RAB18: variants seen among roughly 807,000 people sequenced by gnomAD.
The protein encoded by RAB18 is ras-related protein Rab-18.
In RAB18, 10 loss-of-function variants were observed where a neutral mutation model predicts 28.5. The observed-to-expected ratio is 0.35, with a 90% confidence interval of 0.22 to 0.60. The LOEUF is 0.60. RAB18 is among the 20% of genes least tolerant of loss of function. The pLI, the probability that RAB18 is intolerant of heterozygous loss-of-function variation, is 0.78. For missense variants in RAB18, 188 were observed against 244.2 expected (o/e 0.77, Z 1.53); for synonymous variants, 93 against 86.9 (o/e 1.07, Z -0.39).
At chr10:27,525,059 ATTC>A (rs1270961134) in intron 2 of RAB18, among the ~76,000 whole-genome samples, 6 of 152,234 alleles carry the variant, frequency 3.9e-5, no homozygotes, top group African/African-American at 1.4e-4. Flanking sequence ...CATGCAAATT[ATTC>A]TTATGTCAGA....
chr10:27,510,318 A>G (rs1834300283), intron 2 of RAB18: 1 of 272,062 alleles, frequency 3.7e-6, no homozygotes, highest in Non-Finnish European at 7.1e-6. Context: ...GGTCTCTGTC[A>G]TCGTGGACCT....
intron 2 of RAB18, among the ~76,000 whole-genome samples, chr10:27,513,253 T>C (rs1211096600): frequency 6.6e-6 from 1 of 152,016 alleles, no homozygotes; most frequent in African/African-American, 2.4e-5. Flanking sequence ...CAGGCTGGTC[T>C]TGAACTCCTG....
Position 27,538,427 on chromosome 10 carries a change from A to G in RAB18, c.*376A>G, listed in dbSNP as rs537737464. The G allele has an allele frequency of 2.2e-6, 1 of 456,914 alleles. No individual in the cohort carries two copies. The highest frequency in any genetic ancestry group is 4.4e-6 in the Non-Finnish European group (1 of 228,478). The allele number at this position is 456,914 out of a possible 1,614,324, so 28.3% of individuals were successfully genotyped here. The stretch of plus-strand genomic sequence containing the variant: ...TCATTTTCTGAATTACTTGGTATTT[A>G]GAACTCCTAGCACCACGGGGAAGAA... On this transcript the variant is annotated 3_prime_UTR_variant, in exon 7 of 7. Coordinates refer to ENST00000356940, the MANE Select transcript of RAB18 (RefSeq NM_021252.5).
At chr10:27,508,039 G>A (rs1184914144) in intron 1 of RAB18, among the ~76,000 whole-genome samples, 3 of 148,914 alleles carry the variant, frequency 2.0e-5, no homozygotes, top group Non-Finnish European at 3.0e-5. Context: ...AAAAAAAAGT[G>A]TGCTTCTTAA....
At position 27,526,877 on chromosome 10, in the gene RAB18, A is replaced by G. The variant is rs187076438; in HGVS notation, c.174A>G (p.Lys58=). 23 of 1,613,068 alleles carry G rather than the reference A, an allele frequency of 1.4e-5. No homozygotes were observed. The highest frequency in any genetic ancestry group is 3.3e-4 in the Middle Eastern group (2 of 6,052). ...TTTCAGTGGATGGAAATAAGGCTAAACTTGCAATATGGGTAAGAGTTTTTA... is the reference window on the plus strand; with the variant it reads ...TTTCAGTGGATGGAAATAAGGCTAAGCTTGCAATATGGGTAAGAGTTTTTA... ...KTISVDGNKA[K]LAIWDTAGQE... Residue 58 remains lysine, a synonymous_variant, in exon 3 of 7, where the codon AAA becomes AAG. Transcript: ENST00000356940.
rs764426825 is a variant in RAB18 at position 27,526,937 on chromosome 10, A to G, written c.186+48A>G. 9 of 1,559,146 alleles carry G rather than the reference A, an allele frequency of 5.8e-6. No individual in the cohort carries two copies. The South Asian group carries it at 8.9e-5, about 16-fold the overall frequency. On this transcript the variant is annotated intron_variant, in intron 3 of 6. Transcript: ENST00000356940. ...TTTAAAATATTAAACTTTACTTTTT[A>G]AGGATGCAGAAATTGATTTGTGTAG... is the stretch of plus-strand genomic sequence containing the variant.
At chr10:27,510,511 A>T (rs1834303964) in intron 2 of RAB18, 1 of 160,316 alleles carries the variant, frequency 6.2e-6, no homozygotes, top group Non-Finnish European at 1.4e-5. Flanking sequence ...ATGAGAATAT[A>T]TGAGAAGATA....
Position 27,538,998 on chromosome 10 carries a change from G to A in RAB18, c.*947G>A. On this transcript the variant is annotated 3_prime_UTR_variant, in exon 7 of 7. Transcript: ENST00000356940. ...CCTATTTCTGTGTTTTGAGGGGTGG[G>A]GAAAAAAAACACTAAGTGATAATTT... is the stretch of plus-strand genomic sequence containing the variant. The A allele has an allele frequency of 2.4e-6, 1 of 423,200 alleles. No homozygotes were observed. Among genetic ancestry groups the A allele is most frequent in the Non-Finnish European group, 4.8e-6 (1 of 210,226 alleles). 26.2% of individuals were successfully genotyped at this position (423,200 alleles called of 1,614,324 possible).
At chr10:27,523,232 A>G (rs1834597258) in intron 2 of RAB18, among the ~76,000 whole-genome samples, 2 of 131,556 alleles carry the variant, frequency 1.5e-5, no homozygotes, top group African/African-American at 5.6e-5. Flanking sequence ...ACTTAGAACA[A>G]TTTCATTATG....
rs774392500 is a variant in RAB18 at position 27,538,231 on chromosome 10, G to A, written c.*180G>A. The A allele has an allele frequency of 3.0e-5, 24 of 801,748 alleles. No homozygotes were observed. The highest frequency in any genetic ancestry group is 2.2e-4 in the African/African-American group (13 of 58,948). 49.7% of individuals were successfully genotyped at this position (801,748 alleles called of 1,614,324 possible). The stretch of plus-strand genomic sequence containing the variant: ...CCGGGTAAAATGTTATGGTAAGCAT[G>A]CACAGTTTGCAGTCTACAGTTTTTT... On this transcript the variant is annotated 3_prime_UTR_variant, in exon 7 of 7. Transcript: ENST00000356940.
intron 2 of RAB18, among the ~76,000 whole-genome samples, chr10:27,517,670 G>A (rs1834464677): frequency 6.6e-6 from 1 of 152,142 alleles, no homozygotes; most frequent in African/African-American, 2.4e-5. Context: ...TTACATATGA[G>A]TTCATAGCAG....
At chr10:27,529,011 G>T (rs569903522) in intron 3 of RAB18, among the ~76,000 whole-genome samples, 1 of 151,794 alleles carries the variant, frequency 6.6e-6, no homozygotes, top group East Asian at 1.9e-4. Flanking sequence ...CATTTTATAC[G>T]TTAGCATTCA....
chr10:27,530,459 ACT>A (rs2132403573), intron 3 of RAB18, among the ~76,000 whole-genome samples: 1 of 150,972 alleles, frequency 6.6e-6, no homozygotes, highest in South Asian at 2.1e-4. Flanking sequence ...GATAGTCTGT[ACT>A]ACTAAAAGTT....
At chr10:27,528,931 T>C (rs1834733213) in intron 3 of RAB18, among the ~76,000 whole-genome samples, 1 of 152,086 alleles carries the variant, frequency 6.6e-6, no homozygotes, top group South Asian at 2.1e-4. Context: ...TTTGCATTTC[T>C]TTTGATAAGA....
At chr10:27,504,799 C>T (rs1011684011) in intron 1 of RAB18, 10 of 514,424 alleles carry the variant, frequency 1.9e-5, no homozygotes, top group African/African-American at 3.8e-5. Flanking sequence ...TGCCTCGAAC[C>T]TCTCGGGGTT....
Position 27,538,224 on chromosome 10 carries a change from T to A in RAB18, c.*173T>A. 1.2e-6 allele frequency: 1 copy of A among 854,332 alleles called. No individual in the cohort carries two copies. Among genetic ancestry groups the A allele is most frequent in the Non-Finnish European group, 1.9e-6 (1 of 526,564 alleles). 52.9% of individuals were successfully genotyped at this position (854,332 alleles called of 1,614,324 possible). On this transcript the variant is annotated 3_prime_UTR_variant, in exon 7 of 7. Coordinates refer to ENST00000356940, the MANE Select transcript of RAB18 (RefSeq NM_021252.5). ...ATCGACCCCGGGTAAAATGTTATGG[T>A]AAGCATGCACAGTTTGCAGTCTACA...
intron 6 of RAB18, among the ~76,000 whole-genome samples, chr10:27,534,873 A>T (rs941449963): frequency 2.6e-5 from 4 of 152,244 alleles, no homozygotes; most frequent in African/African-American, 7.2e-5. Context: ...TGAGATTTTC[A>T]GAAAGGAATC....
chr10:27,516,072 G>A (rs1012764458), intron 2 of RAB18, among the ~76,000 whole-genome samples: 1 of 151,710 alleles, frequency 6.6e-6, no homozygotes, highest in Non-Finnish European at 1.5e-5. Flanking sequence ...CGTTCTTCCT[G>A]CTTTTCTTTT....
chr10:27,534,740 A>AAGCCAGCTTTAGG (rs1834858343), intron 6 of RAB18, among the ~76,000 whole-genome samples: 1 of 152,238 alleles, frequency 6.6e-6, no homozygotes, highest in Non-Finnish European at 1.5e-5. Flanking sequence ...TTCTGATGTG[A>AAGCCAGCTTTAGG]AGCCAGCTTT....
Sources: allele counts gnomAD v4.1 joint callset (sites outside exome capture counted in the v4.1 genomes callset), GRCh38; gene constraint gnomAD v4.1.1; transcripts MANE v1.5; gene names NCBI Gene and HGNC (gene_info 2026-07-23, HGNC 2026-07-21).